RALGAPB: variants seen among roughly 807,000 people sequenced by gnomAD.
The protein encoded by RALGAPB is ral GTPase-activating protein subunit beta.
Under a neutral mutation model 161.1 loss-of-function variants are expected in RALGAPB, and 25 were observed. That is an observed-to-expected ratio of 0.16 (90% CI 0.11 to 0.22). RALGAPB has a LOEUF of 0.22. Ranked by LOEUF, RALGAPB falls within the 10% of genes least tolerant of loss-of-function variation. The pLI is 1.00. For synonymous variants in RALGAPB, 629 were observed against 626.1 expected (o/e 1.00, Z -0.07); for missense variants, 1,391 against 1,815.2 (o/e 0.77, Z 4.25).
chr20:38,499,825 T>A (rs2085525816), intron 5 of RALGAPB, 192 bp downstream of exon 5: 2 of 419,008 alleles, frequency 4.8e-6, no homozygotes, highest in Non-Finnish European at 8.0e-6. Flanking sequence ...AATAATCAAG[T>A]ATTCTTGAGA....
chr20:38,522,283 C>G (rs1482906678), intron 10 of RALGAPB, among the ~76,000 whole-genome samples: 1 of 152,224 alleles, frequency 6.6e-6, no homozygotes, highest in East Asian at 1.9e-4. Context: ...TTAGGGTCAT[C>G]TTCTCCAAAT....
chr20:38,478,547 A>G (rs531847634), intron 1 of RALGAPB, among the ~76,000 whole-genome samples: 2 of 152,184 alleles, frequency 1.3e-5, no homozygotes, highest in East Asian at 3.9e-4. Flanking sequence ...CTGCCTCCTG[A>G]GTAGCTGGGA....
In RALGAPB at chr20:38,562,573, T is replaced by C. The variant is rs1300977054; in HGVS notation, c.3573T>C (p.His1191=). The C allele has an allele frequency of 1.9e-6, 3 of 1,613,370 alleles. No individual in the cohort carries two copies. Among genetic ancestry groups the C allele is most frequent in the Admixed American group, 3.3e-5 (2 of 59,978 alleles). ...NVESSRTVQP[H]FLEFLLSLGW... ...AGTCTTCCAGAACTGTTCAGCCACATTTCCTAGAATTTTTGCTTTCCCTTG... is the reference window on the plus strand; with the variant it reads ...AGTCTTCCAGAACTGTTCAGCCACACTTCCTAGAATTTTTGCTTTCCCTTG... The change falls in exon 24 of 30, where the codon CAT becomes CAC. Residue 1191 remains histidine, a synonymous_variant. Coordinates refer to ENST00000262879, the MANE Select transcript of RALGAPB (RefSeq NM_020336.4).
At chr20:38,474,667 G>A (rs2084753781) in intron 1 of RALGAPB, among the ~76,000 whole-genome samples, 1 of 152,106 alleles carries the variant, frequency 6.6e-6, no homozygotes, top group African/African-American at 2.4e-5. Flanking sequence ...CCCACCTTGA[G>A]TCCTTCCAAT....
intron 7 of RALGAPB, among the ~76,000 whole-genome samples, chr20:38,516,860 T>G (rs558872485): frequency 5.3e-4 from 81 of 152,340 alleles, no homozygotes; most frequent in African/African-American, 1.7e-3. Context: ...TTTAGATATA[T>G]GAAAAGTCAA....
rs1408200701 is a variant in RALGAPB at position 38,525,427 on chromosome 20, A to G, written c.1811A>G (p.Tyr604Cys). The G allele has an allele frequency of 1.0e-5, 16 of 1,596,228 alleles. 1 individual carries two copies. The highest frequency in any genetic ancestry group is 1.2e-5 in the Non-Finnish European group (14 of 1,174,582). Residue 604 changes from tyrosine (Y) to cysteine (C), a missense_variant, in exon 12 of 30, where the codon TAT becomes TGT. By Grantham distance (194) the Tyr-to-Cys change is radical (BLOSUM62 -2). This residue lies in a region of RALGAPB where 946 missense variants were observed against 1,257.2 expected (regional missense o/e 0.75). Coordinates refer to ENST00000262879, the MANE Select transcript of RALGAPB (RefSeq NM_020336.4). The stretch of plus-strand genomic sequence containing the variant: ...AGAGAACTCTCAAAATTCAAAAGCT[A>G]TGTAAATCCAACAGAATTGCGAAGA... ...PDRELSKFKS[Y>C]VNPTELRRSS...
At chr20:38,508,808 T>C (rs2085847032) in intron 5 of RALGAPB, among the ~76,000 whole-genome samples, 1 of 152,184 alleles carries the variant, frequency 6.6e-6, no homozygotes, top group African/African-American at 2.4e-5. Context: ...TAGTTGTACA[T>C]ATTTGTGGAG....
intron 26 of RALGAPB, among the ~76,000 whole-genome samples, chr20:38,567,834 T>G (rs1236823208): frequency 6.6e-6 from 1 of 152,156 alleles, no homozygotes; most frequent in Non-Finnish European, 1.5e-5. Context: ...TGTACAGGAT[T>G]TTAGGTTAGC....
At chr20:38,509,629 T>TA (rs1209801059) in intron 6 of RALGAPB, among the ~76,000 whole-genome samples, 1 of 152,154 alleles carries the variant, frequency 6.6e-6, no homozygotes, top group Non-Finnish European at 1.5e-5. Flanking sequence ...CAATGGGAGA[T>TA]ACACCCTAAA....
intron 18 of RALGAPB, among the ~76,000 whole-genome samples, chr20:38,544,384 C>G (rs1202143197): frequency 6.6e-6 from 1 of 151,536 alleles, no homozygotes. Flanking sequence ...GATTCAAGTA[C>G]CTTTATCATC....
At chr20:38,478,397 A>G (rs576731818) in intron 1 of RALGAPB, among the ~76,000 whole-genome samples, 105 of 152,252 alleles carry the variant, frequency 6.9e-4, no homozygotes, top group Middle Eastern at 3.4e-3. Context: ...GCAAAGGTAC[A>G]ATGTGCTCAA....
chr20:38,492,549 T>C (rs2085310631), intron 2 of RALGAPB, among the ~76,000 whole-genome samples: 1 of 152,200 alleles, frequency 6.6e-6, no homozygotes, highest in African/African-American at 2.4e-5. Flanking sequence ...ATTTTCTAAA[T>C]GCTACACATA....
chr20:38,513,283 C>T lies in RALGAPB; in HGVS notation c.873-2909C>T, dbSNP rs190616101. Among the ~76,000 whole-genome samples, 385 of 151,910 alleles carry T rather than the reference C, an allele frequency of 2.5e-3. 6 individuals are homozygous for T. The highest frequency in any genetic ancestry group is 0.024 in the Admixed American group (370 of 15,264). ...CTTTGGGAGGCCAAGGTGGGCGGAT[C>T]CCTTGAAGTCAGGAGTTCGAGACCA... On this transcript the variant is annotated intron_variant, in intron 6 of 29. Coordinates refer to ENST00000262879, the MANE Select transcript of RALGAPB (RefSeq NM_020336.4).
At chr20:38,549,067 C>T (rs892672372) in intron 20 of RALGAPB, among the ~76,000 whole-genome samples, 1 of 151,926 alleles carries the variant, frequency 6.6e-6, no homozygotes, top group African/African-American at 2.4e-5. Context: ...GACAATGGCC[C>T]CAGTTTTTTC....
At position 38,488,524 on chromosome 20, in the gene RALGAPB, G is replaced by A. The variant is rs551472904; in HGVS notation, c.92G>A (p.Arg31Gln). Residue 31 changes from arginine to glutamine, a missense_variant, in exon 2 of 30, where the codon CGA (arginine) becomes CAA (glutamine). Around this residue, in one of 3 missense-constraint regions of RALGAPB, gnomAD observed 946 missense variants for 1,257.2 expected, o/e 0.75. Transcript: ENST00000262879. ...VLHSYPESVG[R>Q]EVANAVVRPL... ...CACAGCTATCCAGAGAGCGTTGGAC[G>A]AGAGGTGGCAAATGCTGTAGTCCGT... The A allele has an allele frequency of 9.3e-6, 15 of 1,614,060 alleles. No homozygotes were observed. The highest frequency in any genetic ancestry group is 1.7e-5 in the Admixed American group (1 of 60,002).
intron 18 of RALGAPB, among the ~76,000 whole-genome samples, chr20:38,542,971 CA>C (rs777247075): frequency 1.3e-5 from 2 of 152,084 alleles, no homozygotes; most frequent in African/African-American, 4.8e-5. Context: ...CTTCATTATA[CA>C]AAAATAAGCT....
chr20:38,538,323 G>T, intron 16 of RALGAPB: 3 of 213,362 alleles, frequency 1.4e-5, no homozygotes, highest in East Asian at 1.1e-4. Flanking sequence ...CATGCGTCCT[G>T]GGCCCAAGTG....
chr20:38,574,317 G>A lies in RALGAPB; in HGVS notation c.4291+19G>A, dbSNP rs371478502. The stretch of plus-strand genomic sequence containing the variant: ...GCTCTTGGTAAGGTCTTCATATGTG[G>A]CCGAAGAGTTAAATTTTCTTTTTCT... On this transcript the variant is annotated intron_variant, in intron 29 of 29. Transcript: ENST00000262879. The A allele has an allele frequency of 2.5e-4, 386 of 1,562,814 alleles. 1 individual carries two copies. Among genetic ancestry groups the A allele is most frequent in the Non-Finnish European group, 3.3e-4 (379 of 1,161,346 alleles).
At chr20:38,521,165 G>C (rs889136763) in intron 9 of RALGAPB, among the ~76,000 whole-genome samples, 10 of 152,120 alleles carry the variant, frequency 6.6e-5, no homozygotes, top group Admixed American at 6.5e-4. Flanking sequence ...AAACAGAAAA[G>C]AAATAATAGA....
Sources: allele counts gnomAD v4.1 joint callset (sites outside exome capture counted in the v4.1 genomes callset), GRCh38; gene constraint gnomAD v4.1.1; regional missense constraint gnomAD v4.1.1; transcripts MANE v1.5; gene names NCBI Gene and HGNC (gene_info 2026-07-23, HGNC 2026-07-21).